MIPOL1: variants seen among roughly 807,000 people sequenced by gnomAD.
MIPOL1 encodes the protein mirror-image polydactyly 1.
MIPOL1 carries 57 observed loss-of-function variants against 60.9 expected under a neutral mutation model. The observed-to-expected ratio is 0.94, with a 90% CI of 0.76 to 1.17. MIPOL1 has a LOEUF of 1.17. Among genes scored for constraint, MIPOL1 ranks in the 50% most tolerant of loss-of-function variants. The probability of loss-of-function intolerance (pLI) is 0.00; values close to 1 mark genes in which losing one functional copy is unlikely to be tolerated. For synonymous variants in MIPOL1, 179 were observed against 168.8 expected (o/e 1.06, Z -0.47); for missense variants, 551 against 511.6 (o/e 1.08, Z -0.74).
At chr14:37,418,204 A>T (rs1217103630) in intron 10 of MIPOL1, among the ~76,000 whole-genome samples, 1 of 152,200 alleles carries the variant, frequency 6.6e-6, no homozygotes, top group Non-Finnish European at 1.5e-5. Flanking sequence ...AACCAAACAT[A>T]ACAAGATCTC....
chr14:37,436,262 C>CTTTTTAAATTA (rs2094161855), intron 11 of MIPOL1, among the ~76,000 whole-genome samples: 1 of 152,030 alleles, frequency 6.6e-6, no homozygotes, highest in Admixed American at 6.6e-5. Flanking sequence ...AAGAGGGTGC[C>CTTTTTAAATTA]TTTTTAAAAT....
At chr14:37,446,283 CAAAAG>C (rs1448034583) in intron 11 of MIPOL1, among the ~76,000 whole-genome samples, 6 of 152,132 alleles carry the variant, frequency 3.9e-5, no homozygotes, top group African/African-American at 1.4e-4. Flanking sequence ...AGACACTTCT[CAAAAG>C]AAGACATTTA....
intron 9 of MIPOL1, among the ~76,000 whole-genome samples, chr14:37,351,194 T>A (rs1442784018): frequency 1.4e-5 from 2 of 146,842 alleles, no homozygotes; most frequent in East Asian, 2.0e-4. Flanking sequence ...TTACTGAGAA[T>A]GATGATTTCC....
At chr14:37,442,941 A>C (rs2094273728) in intron 11 of MIPOL1, among the ~76,000 whole-genome samples, 1 of 152,180 alleles carries the variant, frequency 6.6e-6, no homozygotes, top group African/African-American at 2.4e-5. Flanking sequence ...TCAGAATGCT[A>C]GTTAACTTCT....
chr14:37,371,370 A>G (rs1196356144), intron 10 of MIPOL1, among the ~76,000 whole-genome samples: 1 of 152,126 alleles, frequency 6.6e-6, no homozygotes, highest in East Asian at 1.9e-4. Flanking sequence ...TTAAACCCTC[A>G]TAAGATAGAA....
chr14:37,344,789 G>A (rs1007793009), intron 9 of MIPOL1, among the ~76,000 whole-genome samples: 1 of 152,004 alleles, frequency 6.6e-6, no homozygotes, highest in African/African-American at 2.4e-5. Flanking sequence ...CAGCACTTAG[G>A]GACGCCCAGG....
intron 7 of MIPOL1, among the ~76,000 whole-genome samples, chr14:37,295,039 C>A (rs369332725): frequency 3.9e-5 from 6 of 152,072 alleles, no homozygotes; most frequent in Non-Finnish European, 5.9e-5. Context: ...AAAAAATGTT[C>A]AGGGCAGCCA....
intron 9 of MIPOL1, among the ~76,000 whole-genome samples, chr14:37,336,758 A>C (rs1332995451): frequency 2.6e-5 from 4 of 151,200 alleles, no homozygotes; most frequent in Non-Finnish European, 4.4e-5. Context: ...CTTTTTAAAA[A>C]TTTTTTTATT....
At position 37,411,230 on chromosome 14, in the gene MIPOL1, A is replaced by G. The variant is rs149211920; in HGVS notation, c.937-11625A>G. Among the ~76,000 whole-genome samples the G allele has an allele frequency of 3.1e-4, 47 of 152,312 alleles. 1 individual carries two copies. The highest frequency in any genetic ancestry group is 1.0e-3 in the African/African-American group (43 of 41,590). ...TTGTTTATTTTGCATTATATTTAAT[A>G]GCTGAAGTCATGTCTCCCTGACAGA... On this transcript the variant is annotated intron_variant, in intron 10 of 12. Transcript: ENST00000684589.
At chr14:37,336,855 G>A (rs539145789) in intron 9 of MIPOL1, among the ~76,000 whole-genome samples, 14 of 152,040 alleles carry the variant, frequency 9.2e-5, no homozygotes, top group African/African-American at 3.4e-4. Flanking sequence ...CCACCTCCCA[G>A]GTTCAATCGA....
rs75655886 is a variant in MIPOL1, at chr14:37,264,790, A to T, written c.20-2148A>T. Among the ~76,000 whole-genome samples the T allele has an allele frequency of 1.6e-4, 24 of 152,228 alleles. No homozygotes were observed. The East Asian group carries it at 4.1e-3, about 26-fold the overall frequency. On this transcript the variant is annotated intron_variant, in intron 3 of 12. Transcript: ENST00000684589. ...CAAAATGAAAAGGTACAAATGAAGG[A>T]TTATCTAATGTCAGTTTTTGTCGGC...
In MIPOL1 at chr14:37,500,211, A is replaced by G. The variant is rs1006253430; in HGVS notation, c.1262+73A>G. 1.6e-5 allele frequency: 16 copies of G among 1,019,440 alleles called. No individual in the cohort carries two copies. In the African/African-American group the frequency reaches 2.3e-4, roughly 14 times the overall value. The allele number at this position is 1,019,440 out of a possible 1,614,324, so 63.1% of individuals were successfully genotyped here. A position where few individuals can be genotyped will look rare whatever the true frequency, so the allele number is the denominator to read the frequency against. ...CAAAACACTTTCTTTTGGGAACTAA[A>G]CAATATGTAGTTATTGATCATGTTA... On this transcript the variant is annotated intron_variant, in intron 12 of 12. Transcript: ENST00000684589.
intron 10 of MIPOL1, among the ~76,000 whole-genome samples, chr14:37,380,339 TCAGCTAGAC>T (rs2153508151): frequency 6.6e-6 from 1 of 152,300 alleles, no homozygotes; most frequent in South Asian, 2.1e-4. Context: ...AGCAAGACTC[TCAGCTAGAC>T]CAGGTTTACA....
intron 1 of MIPOL1, among the ~76,000 whole-genome samples, chr14:37,213,514 C>A (rs377425401): frequency 1.3e-5 from 2 of 151,980 alleles, no homozygotes; most frequent in Non-Finnish European, 2.9e-5. Context: ...TGAAAATACA[C>A]AGTCAGAAAA....
chr14:37,430,515 A>ATT (rs765408771), intron 11 of MIPOL1, among the ~76,000 whole-genome samples: 1 of 149,320 alleles, frequency 6.7e-6, no homozygotes, highest in African/African-American at 2.4e-5. Flanking sequence ...TTTTTTTTAA[A>ATT]AAAAAGTATA....
At chr14:37,377,668 A>G (rs2092812712) in intron 10 of MIPOL1, among the ~76,000 whole-genome samples, 1 of 151,870 alleles carries the variant, frequency 6.6e-6, no homozygotes, top group East Asian at 1.9e-4. Flanking sequence ...TATCCTCTCA[A>G]GCTTTCCCCT....
intron 1 of MIPOL1, among the ~76,000 whole-genome samples, chr14:37,235,806 T>C (rs1177501298): frequency 1.3e-5 from 2 of 152,194 alleles, no homozygotes; most frequent in Non-Finnish European, 2.9e-5. Context: ...AATCTGCCTA[T>C]TCTAGGGACC....
chr14:37,255,048 T>A (rs1974710215), intron 3 of MIPOL1, among the ~76,000 whole-genome samples: 1 of 151,934 alleles, frequency 6.6e-6, no homozygotes, highest in African/African-American at 2.4e-5. Context: ...TTGTTTTAAA[T>A]TCTCCATGCT....
Position 37,369,543 on chromosome 14 carries a change from T to C in MIPOL1, c.855T>C (p.His285=), listed in dbSNP as rs746938668. Residue 285 remains histidine, a synonymous_variant, in exon 10 of 13, where the codon CAT becomes CAC. Transcript: ENST00000684589. ...GCAAACGGTTAGAGCAGGAGCTTCATCATGTGAAAGAGCAGAACCAGACTT... is the reference window on the plus strand; with the variant it reads ...GCAAACGGTTAGAGCAGGAGCTTCACCATGTGAAAGAGCAGAACCAGACTT... The part of the protein sequence containing the change: ...SKCKRLEQEL[H]HVKEQNQTSA... The C allele has an allele frequency of 2.5e-6, 4 of 1,613,148 alleles. No homozygotes were observed. Among genetic ancestry groups the C allele is most frequent in the Middle Eastern group, 1.7e-4 (1 of 6,054 alleles).
Sources: gnomAD v4.1 joint callset for allele counts (sites outside exome capture counted in the v4.1 genomes callset) on GRCh38, gnomAD v4.1.1 for gene constraint, MANE v1.5 for transcripts, NCBI Gene and HGNC (gene_info 2026-07-23, HGNC 2026-07-21) for gene names.